EMCN: variants seen among roughly 807,000 people sequenced by gnomAD.
The protein encoded by EMCN is endomucin, also known as MUC-14.
EMCN carries 37 observed loss-of-function variants against 38.4 expected under a neutral mutation model. That is an observed-to-expected ratio of 0.96 (90% CI 0.74 to 1.27). EMCN has a LOEUF of 1.27. Among genes scored for constraint, EMCN ranks in the 50% most tolerant of loss-of-function variants. The pLI is 0.00. For synonymous variants in EMCN, 95 were observed against 100.8 expected, an observed-to-expected ratio of 0.94 and a Z score of 0.35; for missense variants, 318 against 302.8, an observed-to-expected ratio of 1.05 and a Z score of -0.37.
At chr4:100,512,818 A>G (rs1386425793) in intron 1 of EMCN, among the ~76,000 whole-genome samples, 1 of 151,966 alleles carries the variant, frequency 6.6e-6, no homozygotes, top group Non-Finnish European at 1.5e-5. Flanking sequence ...AAAAAAAAAA[A>G]AAAAAATTCC....
chr4:100,402,280 A>C (rs770302712), intron 11 of EMCN, among the ~76,000 whole-genome samples: 2 of 152,186 alleles, frequency 1.3e-5, no homozygotes, highest in Non-Finnish European at 2.9e-5. Context: ...ATGAAGCAAC[A>C]AGCATTAAAT....
intron 10 of EMCN, among the ~76,000 whole-genome samples, chr4:100,412,195 G>T (rs373222923): frequency 6.6e-6 from 1 of 152,140 alleles, no homozygotes; most frequent in African/African-American, 2.4e-5. Flanking sequence ...GGGAATGAAT[G>T]AAGTCGGAGA....
At chr4:100,466,159 A>T (rs1336812434) in intron 3 of EMCN, among the ~76,000 whole-genome samples, 1 of 152,220 alleles carries the variant, frequency 6.6e-6, no homozygotes, top group Non-Finnish European at 1.5e-5. Context: ...GAATAAGATG[A>T]CTTGAAACAA....
chr4:100,452,277 A>T (rs537218158), intron 4 of EMCN, among the ~76,000 whole-genome samples: 45 of 152,164 alleles, frequency 3.0e-4, no homozygotes, highest in African/African-American at 8.2e-4. Context: ...TACATTTGAT[A>T]ATTTATTTAT....
intron 8 of EMCN, among the ~76,000 whole-genome samples, chr4:100,420,508 T>C (rs1400992764): frequency 6.6e-6 from 1 of 151,914 alleles, no homozygotes; most frequent in Non-Finnish European, 1.5e-5. Context: ...AGTGGAAAGA[T>C]AGTTTGCAAT....
At chr4:100,444,192 G>C (rs1727600509) in intron 5 of EMCN, among the ~76,000 whole-genome samples, 1 of 152,208 alleles carries the variant, frequency 6.6e-6, no homozygotes, top group Non-Finnish European at 1.5e-5. Context: ...TCAGCCTGGA[G>C]GGCAGGGTGG....
chr4:100,420,828 C>T (rs1316548319), intron 8 of EMCN, among the ~76,000 whole-genome samples: 2 of 151,922 alleles, frequency 1.3e-5, no homozygotes, highest in Admixed American at 6.6e-5. Context: ...ATAACATGGT[C>T]TTGGAAGATA....
intron 4 of EMCN, among the ~76,000 whole-genome samples, chr4:100,455,446 C>G (rs757376601): frequency 4.0e-5 from 6 of 150,512 alleles, no homozygotes; most frequent in Admixed American, 6.6e-5. Context: ...AATGTCTTTA[C>G]TGATATGAAT....
chr4:100,495,130 A>T (rs1056982916), intron 1 of EMCN, among the ~76,000 whole-genome samples: 2 of 152,090 alleles, frequency 1.3e-5, no homozygotes, highest in African/African-American at 4.8e-5. Flanking sequence ...AATTGGTGGC[A>T]TTGGATTTTT....
At chr4:100,416,094 G>T in intron 9 of EMCN, 135 bp from the exon 10 acceptor site, 1 of 471,106 alleles carries the variant, frequency 2.1e-6, no homozygotes, top group Non-Finnish European at 3.7e-6. Flanking sequence ...ATATATACGT[G>T]TGTGTGTGTG....
At chr4:100,407,347 A>C (rs751887718) in intron 11 of EMCN, among the ~76,000 whole-genome samples, 1 of 152,162 alleles carries the variant, frequency 6.6e-6, no homozygotes, top group Non-Finnish European at 1.5e-5. Context: ...GTGTTTTTGT[A>C]GTAGCCAGTA....
At position 100,498,626 on chromosome 4, in the gene EMCN, C is replaced by T. The variant is rs1006780381; in HGVS notation, c.65-18587G>A. Among the ~76,000 whole-genome samples the T allele has an allele frequency of 5.3e-5, 8 of 152,024 alleles. No homozygotes were observed. The South Asian group carries it at 8.3e-4, about 16-fold the overall frequency. ...CCTCTTGAGTAGCTGGGATTACAGG[C>T]GCCCACCACCATGCCCAGCTGGCCA... On this transcript the variant is annotated intron_variant, in intron 1 of 11. Transcript: ENST00000296420.
chr4:100,425,750 C>T (rs184273060), intron 5 of EMCN, among the ~76,000 whole-genome samples: 81 of 152,162 alleles, frequency 5.3e-4, no homozygotes, highest in African/African-American at 1.8e-3. Context: ...GTCAGTTTGT[C>T]TAATTTTCTC....
chr4:100,448,284 T>C (rs1430466811), intron 4 of EMCN, among the ~76,000 whole-genome samples: 4 of 151,992 alleles, frequency 2.6e-5, no homozygotes, highest in African/African-American at 9.7e-5. Flanking sequence ...ATACAGAAAA[T>C]AATCTTGAAA....
intron 10 of EMCN, among the ~76,000 whole-genome samples, chr4:100,412,922 TC>T (rs1726605569): frequency 5.3e-5 from 8 of 152,132 alleles, no homozygotes; most frequent in Admixed American, 5.2e-4. Flanking sequence ...AGAACTCTCT[TC>T]CCTGGAGAAA....
chr4:100,479,322 G>T (rs892963248), intron 2 of EMCN, among the ~76,000 whole-genome samples: 1 of 151,882 alleles, frequency 6.6e-6, no homozygotes, highest in Non-Finnish European at 1.5e-5. Flanking sequence ...TTTGTGTGTT[G>T]CAAGATGGGC....
intron 4 of EMCN, among the ~76,000 whole-genome samples, chr4:100,448,122 T>C (rs1276412183): frequency 1.3e-5 from 2 of 152,056 alleles, no homozygotes; most frequent in Non-Finnish European, 2.9e-5. Context: ...AGCAGCAAAG[T>C]TCAGACAGAT....
At chr4:100,471,355 C>T (rs1728472206) in intron 3 of EMCN, among the ~76,000 whole-genome samples, 1 of 151,608 alleles carries the variant, frequency 6.6e-6, no homozygotes, top group African/African-American at 2.4e-5. Flanking sequence ...ATTAAATGGG[C>T]AAATTCCTAG....
rs1481642144 is a variant in EMCN, at chr4:100,470,870, A to T, written c.259+4168T>A. ...AACACATAGAGGGGTCAAGGAATAA[A>T]TCATAAAAAATATTAGAAAATACTT... is the stretch of plus-strand genomic sequence containing the variant. On this transcript the variant is annotated intron_variant, in intron 3 of 11. Transcript: ENST00000296420. 2.0e-5 allele frequency among the ~76,000 whole-genome samples: 3 copies of T among 151,912 alleles called. No homozygotes were observed. The East Asian group carries it at 5.8e-4, about 29-fold the overall frequency.
Sources: allele counts gnomAD v4.1 joint callset (sites outside exome capture counted in the v4.1 genomes callset), GRCh38; gene constraint gnomAD v4.1.1; transcripts MANE v1.5; gene names NCBI Gene and HGNC (gene_info 2026-07-23, HGNC 2026-07-21).